LRRC37B: variants seen among roughly 807,000 people sequenced by gnomAD.
LRRC37B encodes leucine-rich repeat-containing protein 37B.
A neutral mutation model predicts 98.3 loss-of-function variants in LRRC37B; 28 were observed. The ratio of observed to expected loss-of-function variants is 0.28; its 90% CI spans 0.21 to 0.39. The LOEUF (loss-of-function observed/expected upper bound fraction) is 0.39, where lower values mean the gene tolerates loss of function less well. Ranked by LOEUF, LRRC37B falls within the 10% of genes least tolerant of loss-of-function variation. LRRC37B has a pLI of 1.00. For synonymous variants in LRRC37B, 364 were observed against 442.7 expected (o/e 0.82, Z 2.23); for missense variants, 938 against 1,182.7 (o/e 0.79, Z 3.03).
intron 6 of LRRC37B, 129 bp from the exon 10 acceptor site, chr17:32,035,436 T>A: frequency 3.0e-6 from 3 of 985,790 alleles, no homozygotes; most frequent in East Asian, 2.6e-5. Context: ...TTACGGCAAA[T>A]AAACTATTGA....
intron 8 of LRRC37B, among the ~76,000 whole-genome samples, chr17:32,046,700 T>A (rs1388093218): frequency 2.0e-5 from 3 of 151,292 alleles, no homozygotes; most frequent in Non-Finnish European, 4.4e-5. Flanking sequence ...AAAAACAAGA[T>A]CAGAGGTGCT....
intron 1 of LRRC37B, among the ~76,000 whole-genome samples, chr17:32,009,768 A>C (rs1055248959): frequency 1.3e-5 from 2 of 151,962 alleles, no homozygotes; most frequent in Admixed American, 6.6e-5. Flanking sequence ...TCAGCCTCCC[A>C]AGTAGTTGGG....
intron 7 of LRRC37B, chr17:32,041,338 T>C (rs776207513): frequency 2.6e-6 from 2 of 755,094 alleles, no homozygotes; most frequent in Non-Finnish European, 4.9e-6. Context: ...ATGCCGCCCC[T>C]AGACCAGCCA....
chr17:32,046,256 A>C (rs973612020), intron 8 of LRRC37B, among the ~76,000 whole-genome samples: 2 of 152,208 alleles, frequency 1.3e-5, no homozygotes, highest in Non-Finnish European at 2.9e-5. Context: ...TTACAGTTTT[A>C]TAAGAGTAGA....
chr17:32,012,971 C>T (rs924880520), intron 1 of LRRC37B, among the ~76,000 whole-genome samples: 2 of 152,132 alleles, frequency 1.3e-5, no homozygotes, highest in African/African-American at 2.4e-5. Context: ...GAGCCGAGAT[C>T]GTGCCACTGC....
rs144347442 is a variant in LRRC37B at position 32,041,871 on chromosome 17, A to T, written c.2205-3829A>T. On this transcript the variant is annotated intron_variant, in intron 7 of 11. Transcript: ENST00000327564. ...AGAAACACTAATGTTCCTCCAGGGC[A>T]GCCCCCACCTCCGTCCTGACCCCAT... The T allele has an allele frequency of 5.5e-4, 254 of 457,724 alleles. 3 individuals carry two copies. In the East Asian group the frequency reaches 0.014, roughly 26 times the overall value. The allele number at this position is 457,724 out of a possible 1,614,324, so 28.4% of individuals were successfully genotyped here. A position where few individuals can be genotyped will look rare whatever the true frequency, so the allele number is the denominator to read the frequency against.
At chr17:32,039,759 G>C (rs1391807258) in intron 7 of LRRC37B, among the ~76,000 whole-genome samples, 1 of 151,094 alleles carries the variant, frequency 6.6e-6, no homozygotes, top group South Asian at 2.1e-4. Context: ...AGATTAGCAT[G>C]GAAAGGGCCC....
At chr17:32,048,808 C>A (rs1372559197) in intron 9 of LRRC37B, among the ~76,000 whole-genome samples, 3 of 152,174 alleles carry the variant, frequency 2.0e-5, no homozygotes, top group Non-Finnish European at 4.4e-5. Flanking sequence ...CCTTAGGAGA[C>A]CTGAGTCCTC....
chr17:32,020,994 T>C (rs1288268649), upstream of LRRC37B: 4 of 1,518,102 alleles, frequency 2.6e-6, no homozygotes, highest in Non-Finnish European at 2.6e-6. Context: ...AAGGTTGCCC[T>C]GGTAACATGG....
At chr17:32,050,102 A>G in exon 11 of LRRC37B, 1 of 1,453,698 alleles carries the variant, frequency 6.9e-7, no homozygotes, top group East Asian at 2.3e-5. Context: ...TTTTTGTCTT[A>G]TAGAGGTAAG....
chr17:32,048,579 T>C (rs531935191), intron 9 of LRRC37B, among the ~76,000 whole-genome samples: 127 of 151,868 alleles, frequency 8.4e-4, no homozygotes, highest in Admixed American at 3.2e-3. Context: ...GAAATGGCAA[T>C]GGCTAGAGTG....
rs549502135 is a variant in LRRC37B, at chr17:32,027,696, G to C, written c.1833-73G>C. On this transcript the variant is annotated intron_variant, in intron 2 of 11. Coordinates refer to ENST00000327564, the Ensembl canonical transcript of LRRC37B. ...ACCATGACCCAGCTTTCCTCCACATGCAGGAGATAGTCCTGTGTAGCAAAT... is the reference window on the plus strand; with the variant it reads ...ACCATGACCCAGCTTTCCTCCACATCCAGGAGATAGTCCTGTGTAGCAAAT... 4.5e-4 allele frequency: 575 copies of C among 1,273,986 alleles called. 6 individuals are homozygous for C. The African/African-American group carries it at 8.0e-3, about 18-fold the overall frequency. 78.9% of individuals were successfully genotyped at this position (1,273,986 alleles called of 1,614,324 possible).
upstream of LRRC37B, among the ~76,000 whole-genome samples, chr17:32,007,656 C>T (rs980155479): frequency 1.3e-5 from 2 of 151,352 alleles, no homozygotes; most frequent in Non-Finnish European, 3.0e-5. This position sits in a 1 kb window ranked among gnomAD's most constrained non-coding sequence, Gnocchi z 4.1. Context: ...GCTCCCGCTG[C>T]GGAGCGCTGC....
At chr17:32,013,461 T>G (rs1004246300) in intron 1 of LRRC37B, among the ~76,000 whole-genome samples, 5 of 152,188 alleles carry the variant, frequency 3.3e-5, no homozygotes, top group African/African-American at 7.2e-5. Context: ...TGTTTTCTGA[T>G]TATCTCTTTT....
intron 6 of LRRC37B, among the ~76,000 whole-genome samples, 178 bp downstream of exon 9, chr17:32,035,159 G>C (rs1287062820): frequency 2.7e-5 from 4 of 150,032 alleles, no homozygotes; most frequent in Non-Finnish European, 4.4e-5. Flanking sequence ...GGTCAAGACA[G>C]CCAGCGGGGG....
upstream of LRRC37B, among the ~76,000 whole-genome samples, chr17:32,016,170 A>G (rs1910645384): frequency 6.6e-6 from 1 of 152,202 alleles, no homozygotes; most frequent in South Asian, 2.1e-4. Flanking sequence ...ACAGAATACA[A>G]AGGAACAGAA....
At chr17:32,009,751 T>A (rs925544023) in intron 1 of LRRC37B, among the ~76,000 whole-genome samples, 3 of 152,164 alleles carry the variant, frequency 2.0e-5, no homozygotes, top group African/African-American at 7.2e-5. Flanking sequence ...AAGGTGATCC[T>A]CCCACCTCAG....
intron 2 of LRRC37B, among the ~76,000 whole-genome samples, chr17:32,027,431 CTGTG>C (rs538155916): frequency 5.7e-5 from 6 of 105,598 alleles, no homozygotes; most frequent in Non-Finnish European, 1.2e-4. Flanking sequence ...GCGTGCTTGC[CTGTG>C]TGTGTGTGCT....
chr17:32,014,389 C>A (rs1053342699), intron 1 of LRRC37B, among the ~76,000 whole-genome samples: 3 of 152,086 alleles, frequency 2.0e-5, no homozygotes, highest in Non-Finnish European at 4.4e-5. Flanking sequence ...ATCCAGAATT[C>A]TATATCCAGC....
Sources: gnomAD v4.1 joint callset for allele counts (sites outside exome capture counted in the v4.1 genomes callset) on GRCh38, gnomAD v4.1.1 for gene constraint, Gnocchi (gnomAD v3.1) non-coding constraint, MANE v1.5 for transcripts, NCBI Gene and HGNC (gene_info 2026-07-23, HGNC 2026-07-21) for gene names.